The following LMNTD1 variants were observed in gnomAD, a reference collection of about 807,000 sequenced individuals.
The protein encoded by LMNTD1 is lamin tail domain containing 1.
Under a neutral mutation model 50.9 loss-of-function variants are expected in LMNTD1, and 35 were observed. That is an observed-to-expected ratio of 0.69 (90% confidence interval 0.53 to 0.91). The LOEUF (loss-of-function observed/expected upper bound fraction) is 0.91, where lower values mean the gene tolerates loss of function less well. LMNTD1 is among the 40% of genes least tolerant of loss of function. The probability of loss-of-function intolerance (pLI) is 0.00; values close to 1 mark genes in which losing one functional copy is unlikely to be tolerated. For missense variants in LMNTD1, 470 were observed against 475.5 expected (o/e 0.99, Z 0.11); for synonymous variants, 153 against 161.9 (o/e 0.94, Z 0.42).
intron 9 of LMNTD1, among the ~76,000 whole-genome samples, chr12:25,492,534 A>C (rs1292201262): frequency 6.6e-6 from 1 of 152,244 alleles, no homozygotes. Flanking sequence ...GTCTATGCTG[A>C]TAACAAAGGC....
At chr12:25,608,915 T>A (rs1180633027) in intron 1 of LMNTD1, among the ~76,000 whole-genome samples, 1 of 152,224 alleles carries the variant, frequency 6.6e-6, no homozygotes, top group Non-Finnish European at 1.5e-5. Flanking sequence ...CTGAAGAGTG[T>A]TTTCCAGCTT....
intron 1 of LMNTD1, among the ~76,000 whole-genome samples, chr12:25,574,025 C>G (rs1944900457): frequency 6.6e-6 from 1 of 152,156 alleles, no homozygotes; most frequent in African/African-American, 2.4e-5. Flanking sequence ...TCAACTAGCA[C>G]AGCCAGTATC....
chr12:25,604,058 A>G (rs2340443), intron 1 of LMNTD1, among the ~76,000 whole-genome samples: 142,687 of 152,156 alleles, frequency 0.94, 67,624 homozygotes, highest in East Asian at 1. Flanking sequence ...AGTCATATTT[A>G]TGAATCAACC....
rs191442177 is a variant in LMNTD1, at chr12:25,482,486, A to T, written c.*23-6026T>A. The stretch of plus-strand genomic sequence containing the variant: ...AGGGATTATTAATACAGATCTGTTG[A>T]CCCATTATGCTTTTTGACAATGAAT... On this transcript the variant is annotated intron_variant, in intron 9 of 9. Transcript: ENST00000458174. 2.0e-4 allele frequency among the ~76,000 whole-genome samples: 30 copies of T among 152,120 alleles called. 2 individuals carry two copies. Among genetic ancestry groups the T allele is most frequent in the African/African-American group, 7.0e-4 (29 of 41,380 alleles).
intron 1 of LMNTD1, among the ~76,000 whole-genome samples, chr12:25,611,541 A>G (rs1255656790): frequency 1.3e-5 from 2 of 152,242 alleles, no homozygotes; most frequent in East Asian, 3.8e-4. Flanking sequence ...TTACTCAGGT[A>G]TAATGGTTTA....
intron 3 of LMNTD1, 144 bp from the exon 4 acceptor site, chr12:25,546,698 T>C (rs569539894): frequency 1.4e-4 from 63 of 454,958 alleles, no homozygotes; most frequent in African/African-American, 1.0e-3. Context: ...TTAATGAGAA[T>C]AGTTAGAAGC....
chr12:25,560,958 T>C (rs1565481360), intron 1 of LMNTD1, among the ~76,000 whole-genome samples: 1 of 152,234 alleles, frequency 6.6e-6, no homozygotes, highest in East Asian at 1.9e-4. Flanking sequence ...TTTCTAAATA[T>C]ACAATCATGT....
At chr12:25,580,927 G>A (rs184141307) in intron 1 of LMNTD1, among the ~76,000 whole-genome samples, 70 of 152,220 alleles carry the variant, frequency 4.6e-4, no homozygotes, top group African/African-American at 1.6e-3. Context: ...CTCCCTTACC[G>A]GGTTGTTAAG....
chr12:25,545,269 C>T (rs1163573958), intron 4 of LMNTD1, among the ~76,000 whole-genome samples: 1 of 151,658 alleles, frequency 6.6e-6, no homozygotes, highest in Non-Finnish European at 1.5e-5. Context: ...ACATTAAAAA[C>T]ATTGTCTCAT....
chr12:25,530,247 C>T (rs765317748), intron 4 of LMNTD1, among the ~76,000 whole-genome samples: 1 of 152,054 alleles, frequency 6.6e-6, no homozygotes, highest in African/African-American at 2.4e-5. Flanking sequence ...ATATTTTCTG[C>T]AAGAAGAGAC....
chr12:25,613,599 A>C (rs1387588823), intron 1 of LMNTD1, among the ~76,000 whole-genome samples: 4 of 152,210 alleles, frequency 2.6e-5, no homozygotes, highest in African/African-American at 9.6e-5. Context: ...TTTGATAATT[A>C]ACATTGTAGT....
At chr12:25,518,750 C>A in intron 8 of LMNTD1, 45 bp downstream of exon 8, 2 of 1,531,310 alleles carry the variant, frequency 1.3e-6, no homozygotes, top group Non-Finnish European at 1.8e-6. Context: ...CATGTGCATG[C>A]ACACACACGC....
chr12:25,548,229 G>A (rs7294601), intron 3 of LMNTD1, among the ~76,000 whole-genome samples: 15,058 of 151,636 alleles, frequency 0.099, 899 homozygotes, highest in East Asian at 0.2. Context: ...TATAACCCAT[G>A]TCAAAGATTT....
intron 1 of LMNTD1, among the ~76,000 whole-genome samples, chr12:25,632,931 T>C (rs948079311): frequency 6.6e-6 from 1 of 151,494 alleles, no homozygotes; most frequent in African/African-American, 2.4e-5. Context: ...GAGACTTGCC[T>C]AACACATAAG....
chr12:25,518,031 T>C (rs935981771), intron 8 of LMNTD1, among the ~76,000 whole-genome samples: 14 of 152,282 alleles, frequency 9.2e-5, no homozygotes, highest in African/African-American at 3.4e-4. Context: ...ATTTTATATA[T>C]TGGGATCTCG....
intron 9 of LMNTD1, chr12:25,503,169 T>C (rs1939482127): frequency 6.6e-6 from 1 of 152,256 alleles, no homozygotes; most frequent in Admixed American, 6.5e-5. Context: ...ACCTTGTCAT[T>C]AGCTATTTAG....
chr12:25,648,078 AATGCATATTT>A (rs1393979755), intron 1 of LMNTD1, among the ~76,000 whole-genome samples: 1 of 152,234 alleles, frequency 6.6e-6, no homozygotes, highest in African/African-American at 2.4e-5. Context: ...TCATAAAAGT[AATGCATATTT>A]ATTGGAGGGA....
At chr12:25,555,066 A>G (rs1188753123), upstream of LMNTD1, among the ~76,000 whole-genome samples, 6 of 132,720 alleles carry the variant, frequency 4.5e-5, no homozygotes, top group East Asian at 1.0e-3. Context: ...CTCCGTCATT[A>G]AAAAAAAAAA....
At chr12:25,563,734 C>A (rs1944433291) in intron 1 of LMNTD1, among the ~76,000 whole-genome samples, 1 of 152,202 alleles carries the variant, frequency 6.6e-6, no homozygotes. Flanking sequence ...CTATGCCCTG[C>A]CCCCAGGGGT....
Sources: allele counts gnomAD v4.1 joint callset (sites outside exome capture counted in the v4.1 genomes callset), GRCh38; gene constraint gnomAD v4.1.1; transcripts MANE v1.5; gene names NCBI Gene and HGNC (gene_info 2026-07-23, HGNC 2026-07-21).